MARF1: variants seen among roughly 807,000 people sequenced by gnomAD.
The protein encoded by MARF1 is limkain-b1.
A neutral mutation model predicts 168.2 loss-of-function variants in MARF1; 24 were observed. That is an observed-to-expected ratio of 0.14 (90% CI 0.10 to 0.20). MARF1 has a LOEUF of 0.20. MARF1 is among the 10% of genes least tolerant of loss of function. The pLI, the probability that MARF1 is intolerant of heterozygous loss-of-function variation, is 1.00. For missense variants in MARF1, 1,744 were observed against 2,143.6 expected, an observed-to-expected ratio of 0.81 and a Z score of 3.68; for synonymous variants, 868 against 822.4, an observed-to-expected ratio of 1.06 and a Z score of -0.95.
chr16:15,595,167 A>G lies in MARF1; in HGVS notation c.*1526T>C, dbSNP rs554979588. The G allele has an allele frequency of 6.6e-6, 1 of 152,612 alleles. No homozygotes were observed. Among genetic ancestry groups the G allele is most frequent in the Non-Finnish European group, 1.5e-5 (1 of 68,036 alleles). 9.5% of individuals were successfully genotyped at this position (152,612 alleles called of 1,614,324 possible). A position where few individuals can be genotyped will look rare whatever the true frequency, so the allele number is the denominator to read the frequency against. On this transcript the variant is annotated 3_prime_UTR_variant, in exon 27 of 27. Coordinates refer to ENST00000396368, the MANE Select transcript of MARF1 (RefSeq NM_014647.4). ...ATTCGGAGAGTGCCATAATACTTAC[A>G]GGGTTTTTTCCATGGTGTTCTGTCT...
intron 25 of MARF1, 139 bp from the exon 26 acceptor site, chr16:15,599,163 AAAAAAAAAAAAACAAAAACC>A: frequency 1.3e-6 from 1 of 790,404 alleles, no homozygotes. Flanking sequence ...TTAAAAAAAA[AAAAAAAAAAAAACAAAAACC>A]CAAAACCCAC....
intron 10 of MARF1, 47 bp from the exon 11 acceptor site, chr16:15,623,170 A>G (rs750296976): frequency 6.4e-6 from 9 of 1,416,978 alleles, no homozygotes; most frequent in African/African-American, 2.9e-5. Context: ...ACTGTTCTGT[A>G]TATTTAGATT....
rs149916210 is a variant in MARF1, at chr16:15,641,397, T to C, written c.-59+1621A>G. Among the ~76,000 whole-genome samples, 397 of 152,332 alleles carry C rather than the reference T, an allele frequency of 2.6e-3. 5 individuals are homozygous for C. Among genetic ancestry groups the C allele is most frequent in the African/African-American group, 8.9e-3 (369 of 41,580 alleles). ...GGTTTTATGTCCCCCAAAAAACTCC[T>C]CTCAAAATCGTAAGAATCTGTGATA... On this transcript the variant is annotated intron_variant, in intron 1 of 26. Coordinates refer to ENST00000396368, the MANE Select transcript of MARF1 (RefSeq NM_014647.4).
At chr16:15,638,170 A>C (rs1448689404) in intron 2 of MARF1, among the ~76,000 whole-genome samples, 1 of 152,222 alleles carries the variant, frequency 6.6e-6, no homozygotes, top group African/African-American at 2.4e-5. Context: ...GTCTCAAAAA[A>C]TAAAATCAAA....
At chr16:15,622,558 ATT>A (rs891029887) in intron 11 of MARF1, among the ~76,000 whole-genome samples, 4 of 151,322 alleles carry the variant, frequency 2.6e-5, no homozygotes, top group Non-Finnish European at 5.9e-5. Context: ...CGCCCGGCTA[ATT>A]TTTTTTTAGT....
Position 15,611,637 on chromosome 16 carries a change from G to C in MARF1, c.3572C>G (p.Ala1191Gly). 6.2e-7 allele frequency: 1 copy of C among 1,613,974 alleles called. No individual in the cohort carries two copies. Among genetic ancestry groups the C allele is most frequent in the South Asian group, 1.1e-5 (1 of 91,072 alleles). Residue 1191 changes from alanine (A) to glycine (G), a missense_variant, in exon 18 of 27, where the codon GCC becomes GGC. Physicochemically the swap from Ala to Gly is moderately conservative, Grantham distance 60 (BLOSUM62 0). Transcript: ENST00000396368. ...TTCTCTCACAATGACCTGTTTGCTGGCCTGGGATTTGAGAAGTTTTAGTAA... is the reference window on the plus strand; with the variant it reads ...TTCTCTCACAATGACCTGTTTGCTGCCCTGGGATTTGAGAAGTTTTAGTAA... ...QDLLKLLKSQ[A>G]SKQVIVREFS...
intron 5 of MARF1, among the ~76,000 whole-genome samples, chr16:15,632,109 T>C (rs1425007774): frequency 6.6e-6 from 1 of 152,252 alleles, no homozygotes; most frequent in Admixed American, 6.5e-5. Flanking sequence ...TGGTTCTTGA[T>C]ATGAACTGGG....
At position 15,625,870 on chromosome 16, in the gene MARF1, A is replaced by G. The variant is rs77779162; in HGVS notation, c.1525-70T>C. On this transcript the variant is annotated intron_variant, in intron 7 of 26. Transcript: ENST00000396368. ...ACACATTCAATTTCAAAATAAGAAC[A>G]ATGGGTGACCTCCAAACTTCAGTTA... 9,864 of 1,272,614 alleles carry G rather than the reference A, an allele frequency of 7.8e-3. 548 individuals carry two copies. The African/African-American group carries it at 0.12, about 16-fold the overall frequency. 78.8% of individuals were successfully genotyped at this position (1,272,614 alleles called of 1,614,324 possible). A position where few individuals can be genotyped will look rare whatever the true frequency, so the allele number is the denominator to read the frequency against.
intron 11 of MARF1, 127 bp from the exon 12 acceptor site, chr16:15,622,038 C>T (rs2034498846): frequency 1.3e-6 from 1 of 784,690 alleles, no homozygotes; most frequent in Non-Finnish European, 2.0e-6. Context: ...TATGTCTGAA[C>T]TCTGCTCTTC....
At chr16:15,607,564 G>A (rs2033123114) in intron 21 of MARF1, among the ~76,000 whole-genome samples, 1 of 152,180 alleles carries the variant, frequency 6.6e-6, no homozygotes, top group African/African-American at 2.4e-5. Context: ...AAACCCCACA[G>A]TGGGAAGGAA....
Position 15,604,381 on chromosome 16 carries a change from A to G in MARF1, c.4200T>C (p.Ser1400=), listed in dbSNP as rs747162284. ...CHVVKVADIE[S]GRQIQLINRK... is the part of the protein sequence containing the mutation. ...GGTTGATCAGCTGAATCTGTCTGCC[A>G]GATTCTATATCGGCAACCTGGGGAA... The change falls in exon 22 of 27, where the codon TCT becomes TCC. Residue 1400 remains serine, a synonymous_variant. Coordinates refer to ENST00000396368, the MANE Select transcript of MARF1 (RefSeq NM_014647.4). 3.7e-6 allele frequency: 6 copies of G among 1,613,646 alleles called. No individual in the cohort carries two copies. In the South Asian group the frequency reaches 5.5e-5, roughly 15 times the overall value.
rs144245223 is a variant in MARF1 at position 15,626,245 on chromosome 16, G to A, written c.1525-445C>T. On this transcript the variant is annotated intron_variant, in intron 7 of 26. Coordinates refer to ENST00000396368, the MANE Select transcript of MARF1 (RefSeq NM_014647.4). The stretch of plus-strand genomic sequence containing the variant: ...AGACAGAAAGATTAGTAGTGCCTGG[G>A]AGTGGGGAAGGGGATTAATTATAAA... Among the ~76,000 whole-genome samples the A allele has an allele frequency of 3.2e-4, 48 of 152,322 alleles. No homozygotes were observed. The East Asian group carries it at 7.9e-3, about 25-fold the overall frequency.
At chr16:15,598,609 C>A (rs2032018174) in intron 26 of MARF1, among the ~76,000 whole-genome samples, 1 of 151,970 alleles carries the variant, frequency 6.6e-6, no homozygotes, top group Non-Finnish European at 1.5e-5. Context: ...CGCCCACAGC[C>A]CCGAGCCACC....
rs2032064808 is a variant in MARF1 at position 15,598,918 on chromosome 16, T to C, written c.4920A>G (p.Pro1640=). ...CAGCAGATTGGAGGATAACGGGGTC[T>C]GGTCTCAGCTGAGGGGACGGCAGGC... ...PSCLPSPQLR[P]DPVILQSADL... Residue 1640 remains proline (P), a synonymous_variant, in exon 26 of 27, where the codon CCA becomes CCG. Transcript: ENST00000396368. The C allele has an allele frequency of 6.2e-7, 1 of 1,613,824 alleles. No individual in the cohort carries two copies. Among genetic ancestry groups the C allele is most frequent in the African/African-American group, 1.3e-5 (1 of 74,918 alleles).
chr16:15,622,286 T>C (rs1481798284), intron 11 of MARF1, among the ~76,000 whole-genome samples: 2 of 152,128 alleles, frequency 1.3e-5, no homozygotes, highest in African/African-American at 4.8e-5. Flanking sequence ...GAGTCAAATA[T>C]AATAAGGCAT....
At chr16:15,632,483 A>T (rs186894655) in intron 5 of MARF1, among the ~76,000 whole-genome samples, 30 of 152,318 alleles carry the variant, frequency 2.0e-4, no homozygotes, top group African/African-American at 7.0e-4. Context: ...CCAACCAGAA[A>T]CAGAAACTGA....
intron 10 of MARF1, 104 bp from the exon 11 acceptor site, chr16:15,623,227 C>T: frequency 2.8e-6 from 2 of 717,730 alleles, no homozygotes; most frequent in Non-Finnish European, 4.0e-6. Flanking sequence ...GCAGATTTTC[C>T]ACAACACAAC....
At chr16:15,639,733 TAATAA>T (rs1478611186) in intron 1 of MARF1, among the ~76,000 whole-genome samples, 1 of 151,954 alleles carries the variant, frequency 6.6e-6, no homozygotes, top group Non-Finnish European at 1.5e-5. Context: ...AAAATAATAA[TAATAA>T]AATAAAGAAA....
chr16:15,630,632 T>C (rs1439312058), intron 6 of MARF1, 128 bp from the exon 7 acceptor site: 3 of 744,842 alleles, frequency 4.0e-6, no homozygotes, highest in Non-Finnish European at 6.0e-6. Context: ...GCTTCCCCCG[T>C]TTCTTAGGAA....
Sources: gnomAD v4.1 joint callset for allele counts (sites outside exome capture counted in the v4.1 genomes callset) on GRCh38, gnomAD v4.1.1 for gene constraint, MANE v1.5 for transcripts, NCBI Gene and HGNC (gene_info 2026-07-23, HGNC 2026-07-21) for gene names.